Variants in IPO11 observed in about 807,000 individuals in gnomAD.
IPO11 encodes importin-11.
In IPO11, 66 loss-of-function variants were observed where a neutral mutation model predicts 143.2. The ratio of observed to expected loss-of-function variants is 0.46; its 90% CI spans 0.38 to 0.57. The LOEUF is 0.57. Among genes scored for constraint, IPO11 ranks in the 20% least tolerant of loss-of-function variants. IPO11 has a pLI of 0.00. For synonymous variants in IPO11, 385 were observed against 377.8 expected, an observed-to-expected ratio of 1.02 and a Z score of -0.22; for missense variants, 1,026 against 1,141.0, an observed-to-expected ratio of 0.90 and a Z score of 1.45.
chr5:62,487,289 G>T (rs750845013), intron 12 of IPO11, among the ~76,000 whole-genome samples: 1 of 151,922 alleles, frequency 6.6e-6, no homozygotes, highest in Non-Finnish European at 1.5e-5. Context: ...ATAGCTACTC[G>T]GGAGGCTGAA....
chr5:62,433,842 G>T (rs753476457), intron 1 of IPO11, among the ~76,000 whole-genome samples: 6 of 152,102 alleles, frequency 3.9e-5, no homozygotes, highest in Non-Finnish European at 7.4e-5. Flanking sequence ...TTGAGGGTTG[G>T]CAGTAGTCAG....
chr5:62,493,662 G>A (rs932009675), intron 15 of IPO11, among the ~76,000 whole-genome samples: 1 of 151,806 alleles, frequency 6.6e-6, no homozygotes, highest in African/African-American at 2.4e-5. Context: ...CTGTCTCTTG[G>A]GTTTCAAGGG....
Position 62,484,209 on chromosome 5 carries a change from A to G in IPO11, c.1174+47A>G, listed in dbSNP as rs1375287115. On this transcript the variant is annotated intron_variant, in intron 11 of 29. Transcript: ENST00000325324. ...TTAGAATGACTTTTCTCCCCTTTCT[A>G]TAAATATCTGTTTGAGTGATAGGTA... 7 of 1,484,860 alleles carry G rather than the reference A, an allele frequency of 4.7e-6. No homozygotes were observed. In the East Asian group the frequency reaches 7.0e-5, roughly 15 times the overall value. The allele number at this position is 1,484,860 out of a possible 1,614,324, so 92.0% of individuals were successfully genotyped here.
At chr5:62,595,641 G>A (rs777982654) in intron 28 of IPO11, among the ~76,000 whole-genome samples, 35 of 152,212 alleles carry the variant, frequency 2.3e-4, no homozygotes, top group Non-Finnish European at 7.4e-5. Flanking sequence ...GTTGATACTA[G>A]TATTTCTTCA....
chr5:62,526,038 A>AT (rs745565723), intron 20 of IPO11, 104 bp from the exon 21 acceptor site: 4 of 701,724 alleles, frequency 5.7e-6, no homozygotes, highest in African/African-American at 5.5e-5. Flanking sequence ...AATATGATTC[A>AT]TTTTTTTAAT....
At chr5:62,598,430 TTCTCTCTCTCTCTCTCTCTCTCTCTC>T (rs1323743350) in intron 28 of IPO11, among the ~76,000 whole-genome samples, 45 of 7,142 alleles carry the variant, frequency 6.3e-3, no homozygotes, top group Non-Finnish European at 9.4e-3. Context: ...CTTTCTTTCT[TTCTCTCTCTCTCTCTCTCTCTCTCTC>T]TCTCTCTCTC....
chr5:62,464,860 T>C (rs1347079380), intron 5 of IPO11, among the ~76,000 whole-genome samples: 1 of 152,210 alleles, frequency 6.6e-6, no homozygotes, highest in East Asian at 1.9e-4. Flanking sequence ...ACAATTTTAA[T>C]CTATACAGAC....
At chr5:62,465,990 G>A (rs560829965) in intron 5 of IPO11, among the ~76,000 whole-genome samples, 80 of 152,352 alleles carry the variant, frequency 5.3e-4, no homozygotes, top group Middle Eastern at 3.4e-3. Context: ...TCTGCGGTGT[G>A]TTTTAAGGGG....
intron 2 of IPO11, among the ~76,000 whole-genome samples, chr5:62,439,084 G>A (rs1744349982): frequency 6.6e-6 from 1 of 150,432 alleles, no homozygotes; most frequent in Non-Finnish European, 1.5e-5. Context: ...AAAATCTCTT[G>A]AGTATCTTTA....
At chr5:62,503,634 A>G (rs1247587278) in intron 16 of IPO11, among the ~76,000 whole-genome samples, 1 of 152,030 alleles carries the variant, frequency 6.6e-6, no homozygotes, top group East Asian at 1.9e-4. Flanking sequence ...AGTGGCAGCA[A>G]ATTTGTTAAA....
chr5:62,575,689 G>C (rs1425675309), intron 27 of IPO11, among the ~76,000 whole-genome samples: 4 of 152,072 alleles, frequency 2.6e-5, no homozygotes, highest in Admixed American at 1.3e-4. Context: ...TGTCCCTCTT[G>C]GAATATCACA....
intron 29 of IPO11, among the ~76,000 whole-genome samples, chr5:62,611,409 G>T (rs567962643): frequency 3.3e-5 from 5 of 152,264 alleles, no homozygotes; most frequent in African/African-American, 1.2e-4. Context: ...GATTATAGAG[G>T]TTAAGATCCT....
rs1580279962 is a variant in IPO11 at position 62,522,246 on chromosome 5, TTG to T, written c.1897-3887_1897-3886del. On this transcript the variant is annotated intron_variant, in intron 20 of 29. Coordinates refer to ENST00000325324, the MANE Select transcript of IPO11 (RefSeq NM_016338.5). ...GACACTAAAAAGCTGAGTGGAGGGA[TTG>T]TGTGTGTGGTGTGGTGGGGAGGCTT... is the stretch of plus-strand genomic sequence containing the variant. 3.3e-5 allele frequency among the ~76,000 whole-genome samples: 5 copies of T among 151,666 alleles called. 1 individual carries two copies. In the East Asian group the frequency reaches 9.7e-4, roughly 29 times the overall value.
chr5:62,596,609 A>G (rs1013906588), intron 28 of IPO11, among the ~76,000 whole-genome samples: 13 of 152,158 alleles, frequency 8.5e-5, no homozygotes, highest in Non-Finnish European at 2.9e-5. Context: ...TTTCTCCTTC[A>G]CTCAATACAT....
At chr5:62,462,115 G>T (rs1007194558) in intron 5 of IPO11, among the ~76,000 whole-genome samples, 2 of 152,154 alleles carry the variant, frequency 1.3e-5, no homozygotes, top group Non-Finnish European at 2.9e-5. Context: ...TTTGTGAGAA[G>T]TAGAGATGAA....
intron 29 of IPO11, among the ~76,000 whole-genome samples, chr5:62,626,186 C>T (rs180699588): frequency 1.2e-3 from 180 of 152,156 alleles, no homozygotes; most frequent in African/African-American, 4.0e-3. Context: ...TGCACCACCA[C>T]GCCAGGCTAA....
chr5:62,486,476 A>C (rs566109876), intron 12 of IPO11, among the ~76,000 whole-genome samples: 1 of 152,122 alleles, frequency 6.6e-6, no homozygotes, highest in Admixed American at 6.5e-5. Context: ...TTACCACTTC[A>C]TGTGATTCTC....
intron 21 of IPO11, among the ~76,000 whole-genome samples, chr5:62,527,805 A>G (rs1374488498): frequency 1.3e-5 from 2 of 152,208 alleles, no homozygotes; most frequent in Admixed American, 1.3e-4. Context: ...GTTTCTTTAA[A>G]GAGAGTACAT....
intron 22 of IPO11, 115 bp from the exon 23 acceptor site, chr5:62,536,587 A>T: frequency 8.3e-7 from 1 of 1,210,626 alleles, no homozygotes; most frequent in Non-Finnish European, 1.1e-6. Flanking sequence ...TAGTACTCGG[A>T]AGAGGTTTCT....
Sources: gnomAD v4.1 joint callset for allele counts (sites outside exome capture counted in the v4.1 genomes callset) on GRCh38, gnomAD v4.1.1 for gene constraint, MANE v1.5 for transcripts, NCBI Gene and HGNC (gene_info 2026-07-23, HGNC 2026-07-21) for gene names.